The following CTTNBP2 variants were observed in gnomAD, a reference collection of about 807,000 sequenced individuals.
CTTNBP2 encodes cortactin binding protein 2.
In CTTNBP2, 108 loss-of-function variants were observed where a neutral mutation model predicts 156.9. The observed-to-expected ratio is 0.69, with a 90% CI of 0.59 to 0.81. The LOEUF is 0.81. Ranked by LOEUF, CTTNBP2 falls within the 30% of genes least tolerant of loss-of-function variation. The pLI is 0.00. For missense variants in CTTNBP2, 1,924 were observed against 2,035.4 expected (o/e 0.95, Z 1.05); for synonymous variants, 767 against 751.8 (o/e 1.02, Z -0.33).
At chr7:117,835,181 T>C (rs1801852199) in intron 2 of CTTNBP2, among the ~76,000 whole-genome samples, 1 of 152,196 alleles carries the variant, frequency 6.6e-6, no homozygotes, top group Admixed American at 6.5e-5. Context: ...TTAAAAGTGT[T>C]TGCAGAAATA....
At chr7:117,814,891 G>A (rs1035884421) in intron 2 of CTTNBP2, among the ~76,000 whole-genome samples, 5 of 152,198 alleles carry the variant, frequency 3.3e-5, no homozygotes, top group African/African-American at 9.6e-5. Context: ...GTCAAAATGA[G>A]AGAAATGAAG....
chr7:117,789,026 C>T (rs997860162), intron 4 of CTTNBP2, among the ~76,000 whole-genome samples: 1 of 152,128 alleles, frequency 6.6e-6, no homozygotes, highest in Non-Finnish European at 1.5e-5. Flanking sequence ...GCTCTCCAGA[C>T]ATAAGTGAAG....
chr7:117,841,718 G>A (rs1802289559), intron 2 of CTTNBP2, among the ~76,000 whole-genome samples: 1 of 152,188 alleles, frequency 6.6e-6, no homozygotes, highest in Non-Finnish European at 1.5e-5. Context: ...GAATTAAATA[G>A]GCATGATGAA....
intron 1 of CTTNBP2, among the ~76,000 whole-genome samples, chr7:117,866,100 A>T (rs775038100): frequency 4.0e-5 from 6 of 151,828 alleles, no homozygotes; most frequent in Non-Finnish European, 8.8e-5. Flanking sequence ...ATTCTTCAGG[A>T]TTTTTTCTCA....
chr7:117,762,977 G>A (rs756815294), intron 9 of CTTNBP2, among the ~76,000 whole-genome samples: 25 of 152,234 alleles, frequency 1.6e-4, no homozygotes, highest in South Asian at 4.1e-4. Context: ...TAGCTGCCCT[G>A]TTCACCTCCT....
chr7:117,854,764 A>G (rs900729406), intron 2 of CTTNBP2, among the ~76,000 whole-genome samples: 11 of 151,954 alleles, frequency 7.2e-5, no homozygotes, highest in Non-Finnish European at 1.5e-4. Context: ...GCAAAAATAG[A>G]TGATTTAATT....
At chr7:117,773,263 G>C (rs1045016854) in intron 8 of CTTNBP2, among the ~76,000 whole-genome samples, 63 of 152,284 alleles carry the variant, frequency 4.1e-4, no homozygotes, top group African/African-American at 1.4e-3. Flanking sequence ...TCCAAGTGTT[G>C]GGGCGTCATG....
chr7:117,779,957 T>C (rs886712573), intron 7 of CTTNBP2, among the ~76,000 whole-genome samples: 1 of 152,022 alleles, frequency 6.6e-6, no homozygotes, highest in Non-Finnish European at 1.5e-5. Context: ...ACGGGGTTTC[T>C]CCATGTTGAT....
chr7:117,717,561 G>A (rs1218660879), intron 22 of CTTNBP2, among the ~76,000 whole-genome samples: 2 of 151,616 alleles, frequency 1.3e-5, no homozygotes, highest in Non-Finnish European at 3.0e-5. Flanking sequence ...ACTCTGTTCT[G>A]CCCTGGATGT....
chr7:117,862,476 C>G (rs960641930), intron 1 of CTTNBP2, among the ~76,000 whole-genome samples: 3 of 152,266 alleles, frequency 2.0e-5, no homozygotes, highest in Non-Finnish European at 4.4e-5. Flanking sequence ...TCTTCCACTC[C>G]AACCTTCCTC....
intron 2 of CTTNBP2, among the ~76,000 whole-genome samples, chr7:117,823,033 C>T (rs1001514013): frequency 6.6e-6 from 1 of 152,138 alleles, no homozygotes; most frequent in Non-Finnish European, 1.5e-5. Flanking sequence ...ACACTTATGT[C>T]TTTGTGATAA....
chr7:117,718,159 C>G (rs533679195), intron 21 of CTTNBP2, 40 bp from the exon 22 acceptor site: 11 of 1,224,850 alleles, frequency 9.0e-6, no homozygotes, highest in African/African-American at 3.0e-5. Flanking sequence ...TCTCCACAGT[C>G]ACACTGTGCA....
At position 117,726,465 on chromosome 7, in the gene CTTNBP2, A is replaced by T. The variant is rs554776578; in HGVS notation, c.4056-1208T>A. ...CAGTTATTCCTAAAAGTGCTGAAGT[A>T]TAAATATGATAAGCTGTGGTCGGAA... On this transcript the variant is annotated intron_variant, in intron 17 of 22. Coordinates refer to ENST00000160373, the MANE Select transcript of CTTNBP2 (RefSeq NM_033427.3). Among the ~76,000 whole-genome samples, 14 of 152,336 alleles carry T rather than the reference A, an allele frequency of 9.2e-5. No individual in the cohort carries two copies. In the South Asian group the frequency reaches 2.9e-3, roughly 32 times the overall value.
At chr7:117,782,804 C>G in intron 6 of CTTNBP2, 58 bp downstream of exon 6, 1 of 1,230,316 alleles carries the variant, frequency 8.1e-7, no homozygotes. Context: ...AATACGTGTG[C>G]AAATTATAAA....
chr7:117,804,326 T>C lies in CTTNBP2; in HGVS notation c.414+6439A>G, dbSNP rs1369774298. Among the ~76,000 whole-genome samples the C allele has an allele frequency of 2.0e-5, 3 of 152,146 alleles. No individual in the cohort carries two copies. The East Asian group carries it at 5.8e-4, about 29-fold the overall frequency. ...AAGTTTCTCAAACCACTAGTGTATA[T>C]AACAAACATTTGTTTTTCTGGGGAT... On this transcript the variant is annotated intron_variant, in intron 3 of 22. Coordinates refer to ENST00000160373, the MANE Select transcript of CTTNBP2 (RefSeq NM_033427.3).
chr7:117,738,353 C>T (rs1328669394), intron 14 of CTTNBP2, among the ~76,000 whole-genome samples: 1 of 152,108 alleles, frequency 6.6e-6, no homozygotes, highest in African/African-American at 2.4e-5. Flanking sequence ...CAGTGGAAGT[C>T]TTTAAATAGG....
chr7:117,754,557 A>G (rs1469894919), intron 12 of CTTNBP2, among the ~76,000 whole-genome samples: 1 of 152,244 alleles, frequency 6.6e-6, no homozygotes, highest in Non-Finnish European at 1.5e-5. Context: ...TACATAACAC[A>G]GGGCCTATGC....
chr7:117,816,623 C>A (rs1800590901), intron 2 of CTTNBP2, among the ~76,000 whole-genome samples: 1 of 152,122 alleles, frequency 6.6e-6, no homozygotes, highest in South Asian at 2.1e-4. Flanking sequence ...TATGTCCAAG[C>A]CACTTGAAAT....
chr7:117,774,526 G>A (rs1383012324), intron 8 of CTTNBP2, among the ~76,000 whole-genome samples: 1 of 152,146 alleles, frequency 6.6e-6, no homozygotes, highest in Non-Finnish European at 1.5e-5. Context: ...GACTCTCATA[G>A]GAGTGTGACC....
Sources: gnomAD v4.1 joint callset for allele counts (sites outside exome capture counted in the v4.1 genomes callset) on GRCh38, gnomAD v4.1.1 for gene constraint, MANE v1.5 for transcripts, NCBI Gene and HGNC (gene_info 2026-07-23, HGNC 2026-07-21) for gene names.